Variants in ANO1 observed in about 807,000 individuals in gnomAD.
ANO1 encodes anoctamin 1.
A neutral mutation model predicts 124.0 loss-of-function variants in ANO1; 59 were observed. The ratio of observed to expected loss-of-function variants is 0.48; its 90% CI spans 0.39 to 0.59. The LOEUF (loss-of-function observed/expected upper bound fraction) is 0.59, where lower values mean the gene tolerates loss of function less well. ANO1 is among the 20% of genes least tolerant of loss of function. ANO1 has a pLI of 0.00. For missense variants in ANO1, 1,059 were observed against 1,328.0 expected, an observed-to-expected ratio of 0.80 and a Z score of 3.15; for synonymous variants, 529 against 532.0, an observed-to-expected ratio of 0.99 and a Z score of 0.08.
intron 1 of ANO1, among the ~76,000 whole-genome samples, chr11:69,993,451 G>T (rs1196205338): frequency 6.6e-6 from 1 of 152,184 alleles, no homozygotes; most frequent in African/African-American, 2.4e-5. Flanking sequence ...TATTGGGACA[G>T]ACTGGGAATT....
intron 1 of ANO1, chr11:69,986,271 A>G (rs1396431005): frequency 6.6e-6 from 1 of 152,210 alleles, no homozygotes; most frequent in Non-Finnish European, 1.5e-5. Flanking sequence ...GGGGCGCACG[A>G]GGAGCAGGAG....
At position 70,181,715 on chromosome 11, in the gene ANO1, C is replaced by T. The variant is rs534141340; in HGVS notation, c.2404-787C>T. ...GCCAAGGCAGGAGGATCGCTTGAGG[C>T]GAGGAATTCAAGACCAGCCTGGCCA... On this transcript the variant is annotated intron_variant, in intron 23 of 25. Transcript: ENST00000355303. 1.4e-4 allele frequency among the ~76,000 whole-genome samples: 21 copies of T among 151,058 alleles called. No homozygotes were observed. In the South Asian group the frequency reaches 1.5e-3, roughly 10 times the overall value.
At chr11:69,966,739 C>A in the ANO1 span, among the ~76,000 whole-genome samples, 1 of 152,192 alleles carries the variant, frequency 6.6e-6, no homozygotes, top group African/African-American at 2.4e-5. Flanking sequence ...CCCAGCCTGC[C>A]CCCTGGGACC....
At chr11:70,054,320 C>T (rs1857400409) in intron 1 of ANO1, among the ~76,000 whole-genome samples, 1 of 152,214 alleles carries the variant, frequency 6.6e-6, no homozygotes, top group Non-Finnish European at 1.5e-5. Context: ...CTTTCAAAGG[C>T]AAGCCATGGG....
the ANO1 span, among the ~76,000 whole-genome samples, chr11:69,974,090 G>A: frequency 1.3e-5 from 2 of 152,084 alleles, no homozygotes; most frequent in Admixed American, 6.5e-5. Flanking sequence ...AGGCCGAGGT[G>A]GGTGGATCAC....
chr11:70,161,813 C>A, intron 18 of ANO1, 80 bp downstream of exon 18: 1 of 1,379,314 alleles, frequency 7.2e-7, no homozygotes, highest in South Asian at 1.2e-5. Context: ...AGGTTGGGGG[C>A]ACCTGGAGCC....
chr11:70,079,402 G>A lies in ANO1; in HGVS notation c.108+688G>A, dbSNP rs539157208. Among the ~76,000 whole-genome samples, 5 of 152,190 alleles carry A rather than the reference G, an allele frequency of 3.3e-5. No individual in the cohort carries two copies. The South Asian group carries it at 1.0e-3, about 32-fold the overall frequency. ...GTTCAGGTGGGGGCACTGGTTGGAAGCCAGTCATGTAAGTTGGGGACCCCA... is the reference window on the plus strand; with the variant it reads ...GTTCAGGTGGGGGCACTGGTTGGAAACCAGTCATGTAAGTTGGGGACCCCA... On this transcript the variant is annotated intron_variant, in intron 1 of 25. Transcript: ENST00000355303.
At chr11:70,082,232 A>C (rs898847048) in intron 1 of ANO1, among the ~76,000 whole-genome samples, 1 of 152,112 alleles carries the variant, frequency 6.6e-6, no homozygotes, top group Non-Finnish European at 1.5e-5. Context: ...TCATTCATTC[A>C]GCAACCACAT....
chr11:70,143,671 G>C (rs1289018760), intron 11 of ANO1, among the ~76,000 whole-genome samples: 1 of 152,156 alleles, frequency 6.6e-6, no homozygotes, highest in Admixed American at 6.5e-5. Flanking sequence ...CCCACACTGA[G>C]AAATCCCGGA....
At chr11:70,089,034 G>A (rs2044514037) in intron 2 of ANO1, among the ~76,000 whole-genome samples, 1 of 152,206 alleles carries the variant, frequency 6.6e-6, no homozygotes, top group African/African-American at 2.4e-5. Flanking sequence ...AGCAGCCCTA[G>A]CACAGCGGTG....
chr11:70,186,571 G>A (rs76186223), intron 25 of ANO1, among the ~76,000 whole-genome samples: 60 of 152,166 alleles, frequency 3.9e-4, no homozygotes, highest in African/African-American at 1.4e-3. Context: ...GGAGGGGTCT[G>A]GGCCAACTCT....
At chr11:70,014,348 A>G (rs1555001583) in intron 1 of ANO1, among the ~76,000 whole-genome samples, 3 of 132,636 alleles carry the variant, frequency 2.3e-5, no homozygotes, top group Non-Finnish European at 4.7e-5. Flanking sequence ...CTTTGCCTCC[A>G]ACACCATAGA....
intron 1 of ANO1, among the ~76,000 whole-genome samples, chr11:70,080,580 GC>G (rs911004791): frequency 1.1e-4 from 17 of 152,088 alleles, no homozygotes; most frequent in African/African-American, 4.1e-4. Context: ...GTCATGAATA[GC>G]CCCCGGTCTC....
rs73527846 is a variant in ANO1 at position 70,100,042 on chromosome 11, G to A, written c.442-3024G>A. Among the ~76,000 whole-genome samples the A allele has an allele frequency of 7.3e-3, 1,108 of 152,198 alleles. 18 individuals carry two copies. Among genetic ancestry groups the A allele is most frequent in the African/African-American group, 0.026 (1,063 of 41,534 alleles). On this transcript the variant is annotated intron_variant, in intron 2 of 25. Transcript: ENST00000355303. ...CCCACACCTTATGTCCTTCAGCCCTGGGCTCCCCTACAAGGGTCCCCACGC... is the reference window on the plus strand; with the variant it reads ...CCCACACCTTATGTCCTTCAGCCCTAGGCTCCCCTACAAGGGTCCCCACGC...
intron 23 of ANO1, among the ~76,000 whole-genome samples, chr11:70,180,794 C>T (rs546586225): frequency 6.6e-6 from 1 of 152,290 alleles, no homozygotes; most frequent in Non-Finnish European, 1.5e-5. Flanking sequence ...GTTGATTTTT[C>T]TCCTTAATCT....
At chr11:69,982,101 A>G (rs1554996294), upstream of ANO1, among the ~76,000 whole-genome samples, 1 of 152,194 alleles carries the variant, frequency 6.6e-6, no homozygotes. Context: ...TCTGGATAGA[A>G]ATGTGGGTGC....
intron 1 of ANO1, among the ~76,000 whole-genome samples, chr11:69,994,345 T>C (rs1856219204): frequency 6.6e-6 from 1 of 152,102 alleles, no homozygotes; most frequent in South Asian, 2.1e-4. Flanking sequence ...CATTCGCCTC[T>C]CCCTGGGTGG....
intron 1 of ANO1, among the ~76,000 whole-genome samples, chr11:70,082,907 C>T (rs1032831491): frequency 2.6e-5 from 4 of 152,020 alleles, no homozygotes; most frequent in Non-Finnish European, 4.4e-5. Context: ...AGAGTGTAGA[C>T]GGGAGAGAGC....
At chr11:70,060,796 T>A (rs1555007649) in intron 1 of ANO1, among the ~76,000 whole-genome samples, 1 of 152,134 alleles carries the variant, frequency 6.6e-6, no homozygotes, top group African/African-American at 2.4e-5. Context: ...GCCTGGGTCC[T>A]GTGTGAGGGC....
Sources: gnomAD v4.1 joint callset for allele counts (sites outside exome capture counted in the v4.1 genomes callset) on GRCh38, gnomAD v4.1.1 for gene constraint, MANE v1.5 for transcripts, NCBI Gene and HGNC (gene_info 2026-07-23, HGNC 2026-07-21) for gene names.